The following NXN variants were observed in gnomAD, a reference collection of about 807,000 sequenced individuals.
The protein encoded by NXN is nucleoredoxin.
A neutral mutation model predicts 48.6 loss-of-function variants in NXN; 16 were observed. The ratio of observed to expected loss-of-function variants is 0.33; its 90% CI spans 0.22 to 0.50. The LOEUF is 0.50. Among genes scored for constraint, NXN ranks in the 20% least tolerant of loss-of-function variants. The pLI is 0.98. For synonymous variants in NXN, 281 were observed against 269.6 expected, an observed-to-expected ratio of 1.04 and a Z score of -0.41; for missense variants, 492 against 605.5, an observed-to-expected ratio of 0.81 and a Z score of 1.97.
intron 1 of NXN, among the ~76,000 whole-genome samples, chr17:936,366 G>A (rs764157059): frequency 1.5e-4 from 23 of 151,454 alleles, no homozygotes; most frequent in Middle Eastern, 3.4e-3. Context: ...CTGCAGCGAC[G>A]GGTGCCCTGG....
intron 1 of NXN, among the ~76,000 whole-genome samples, chr17:875,091 G>A (rs2068199592): frequency 6.6e-6 from 1 of 151,814 alleles, no homozygotes; most frequent in Admixed American, 6.6e-5. Context: ...GAGCGCAGTG[G>A]CACAATCTCA....
intron 1 of NXN, among the ~76,000 whole-genome samples, chr17:922,900 C>T (rs1423306797): frequency 1.3e-5 from 2 of 151,952 alleles, no homozygotes; most frequent in Non-Finnish European, 2.9e-5. Flanking sequence ...ATCCACCTGC[C>T]TTCGGCCTCC....
chr17:825,731 G>C lies in NXN; in HGVS notation c.478+230C>G. 2.1e-6 allele frequency: 1 copy of C among 475,610 alleles called. No homozygotes were observed. Among genetic ancestry groups the C allele is most frequent in the East Asian group, 3.8e-5 (1 of 26,092 alleles). The allele number at this position is 475,610 out of a possible 1,614,324, so 29.5% of individuals were successfully genotyped here. On this transcript the variant is annotated intron_variant, in intron 2 of 7. Coordinates refer to ENST00000336868, the MANE Select transcript of NXN (RefSeq NM_022463.5). The surrounding 1 kb of genome is among the most constrained non-coding windows in gnomAD (Gnocchi z 4.1). ...TCTTACGGCAGAGTCCATCTCTTTTGGCCCATGAATTAAAGCCCCTAGGAG... is the reference window on the plus strand; with the variant it reads ...TCTTACGGCAGAGTCCATCTCTTTTCGCCCATGAATTAAAGCCCCTAGGAG...
At chr17:963,423 T>C (rs1178466071) in intron 1 of NXN, among the ~76,000 whole-genome samples, 1 of 151,738 alleles carries the variant, frequency 6.6e-6, no homozygotes, top group East Asian at 2.0e-4. Flanking sequence ...GGCAAAATAG[T>C]GAAACCCTCC....
intron 1 of NXN, among the ~76,000 whole-genome samples, chr17:944,517 G>C (rs548554897): frequency 6.6e-6 from 1 of 152,334 alleles, no homozygotes; most frequent in East Asian, 1.9e-4. Flanking sequence ...CTGAGCAGAT[G>C]GCAAAGGGGC....
chr17:871,577 G>T (rs1321849147), intron 1 of NXN, among the ~76,000 whole-genome samples: 2 of 151,440 alleles, frequency 1.3e-5, no homozygotes, highest in African/African-American at 2.4e-5. Flanking sequence ...GCTAATTTTT[G>T]TAGTTTTAGT....
intron 7 of NXN, among the ~76,000 whole-genome samples, chr17:802,486 C>T (rs904960472): frequency 1.3e-5 from 2 of 152,204 alleles, no homozygotes; most frequent in African/African-American, 2.4e-5. Flanking sequence ...GCCTGGCGTA[C>T]AGAAAACCTG....
chr17:897,026 C>T lies in NXN; in HGVS notation c.361-70948G>A, dbSNP rs560744067. 30 of 1,094,844 alleles carry T rather than the reference C, an allele frequency of 2.7e-5. No homozygotes were observed. The East Asian group carries it at 2.1e-3, about 75-fold the overall frequency. The allele number at this position is 1,094,844 out of a possible 1,614,324, so 67.8% of individuals were successfully genotyped here. On this transcript the variant is annotated intron_variant, in intron 1 of 7. Transcript: ENST00000336868. ...ACGGACTCCGTAATGGAAACTCCGG[C>T]GTGCCTAACAACAGCGTCACTGTCA... is the stretch of plus-strand genomic sequence containing the variant.
chr17:940,433 G>A (rs2150605185), intron 1 of NXN, among the ~76,000 whole-genome samples: 1 of 152,278 alleles, frequency 6.6e-6, no homozygotes, highest in East Asian at 1.9e-4. Context: ...CCCAATAGAT[G>A]TTTTGGTAAA....
intron 1 of NXN, among the ~76,000 whole-genome samples, chr17:873,493 C>CAATAAAAAAAA (rs2068181869): frequency 1.3e-5 from 1 of 74,982 alleles, no homozygotes; most frequent in Non-Finnish European, 2.6e-5. Context: ...ACACTGTCTC[C>CAATAAAAAAAA]AAAAAAAAAA....
intron 1 of NXN, among the ~76,000 whole-genome samples, chr17:852,309 G>A (rs1047991603): frequency 2.6e-5 from 4 of 152,092 alleles, no homozygotes; most frequent in South Asian, 2.1e-4. Flanking sequence ...AGCCTCAGTC[G>A]GGGCGTCTCC....
At chr17:886,528 G>A (rs969410491) in intron 1 of NXN, among the ~76,000 whole-genome samples, 3 of 152,226 alleles carry the variant, frequency 2.0e-5, no homozygotes, top group Non-Finnish European at 4.4e-5. Flanking sequence ...AGGAATCCCA[G>A]CACTTTGGAA....
At chr17:840,103 A>C (rs1914060425) in intron 1 of NXN, among the ~76,000 whole-genome samples, 1 of 151,120 alleles carries the variant, frequency 6.6e-6, no homozygotes, top group African/African-American at 2.4e-5. Context: ...TCAAAAAAAA[A>C]AAAAAGAGAG....
intron 1 of NXN, among the ~76,000 whole-genome samples, chr17:826,794 T>G (rs1913125917): frequency 2.0e-5 from 3 of 152,084 alleles, no homozygotes; most frequent in Admixed American, 2.0e-4. Context: ...AACCCTCGGC[T>G]CTCGGTGCCG....
rs372647302 is a variant in NXN at position 805,219 on chromosome 17, C to G, written c.849G>C (p.Pro283=). The G allele has an allele frequency of 2.5e-6, 4 of 1,611,500 alleles. No homozygotes were observed. The highest frequency in any genetic ancestry group is 2.2e-5 in the East Asian group (1 of 44,838). ...QGIPTLIMLD[P]QGEVITRQGR... ...CCTGCCGCGTGATCACCTCGCCCTG[C>G]GGGTCCAGCATGATGAGCGTGGGGA... The change falls in exon 6 of 8, where the codon CCG becomes CCC. Residue 283 remains proline, a synonymous_variant. Transcript: ENST00000336868.
intron 1 of NXN, among the ~76,000 whole-genome samples, chr17:865,185 G>A (rs1353380557): frequency 6.6e-6 from 1 of 152,106 alleles, no homozygotes; most frequent in Non-Finnish European, 1.5e-5. Context: ...GTATTAGGTA[G>A]CAATGTTTTC....
At chr17:840,762 CTCTT>C (rs1303481864) in intron 1 of NXN, among the ~76,000 whole-genome samples, 1 of 152,234 alleles carries the variant, frequency 6.6e-6, no homozygotes, top group Non-Finnish European at 1.5e-5. Context: ...CTCCTTTTCT[CTCTT>C]TATCTGAGAG....
intron 1 of NXN, among the ~76,000 whole-genome samples, chr17:900,008 G>A (rs936862415): frequency 1.3e-5 from 2 of 152,184 alleles, no homozygotes; most frequent in African/African-American, 4.8e-5. Flanking sequence ...GCTCATGCCC[G>A]TAATCCCAGC....
At chr17:826,716 G>A (rs1913121704) in intron 1 of NXN, among the ~76,000 whole-genome samples, 1 of 152,186 alleles carries the variant, frequency 6.6e-6, no homozygotes, top group African/African-American at 2.4e-5. Flanking sequence ...CCCTGCACTT[G>A]AAATATCACA....
Sources: gnomAD v4.1 joint callset for allele counts (sites outside exome capture counted in the v4.1 genomes callset) on GRCh38, gnomAD v4.1.1 for gene constraint, Gnocchi (gnomAD v3.1) non-coding constraint, MANE v1.5 for transcripts, NCBI Gene and HGNC (gene_info 2026-07-23, HGNC 2026-07-21) for gene names.